The following PRPSAP1 variants were observed in gnomAD, a reference collection of about 807,000 sequenced individuals.
PRPSAP1 encodes the protein phosphoribosyl pyrophosphate synthase-associated protein 1.
PRPSAP1 carries 31 observed loss-of-function variants against 39.4 expected under a neutral mutation model. The observed-to-expected ratio is 0.79, with a 90% CI of 0.59 to 1.06. The LOEUF is 1.06. Ranked by LOEUF, PRPSAP1 falls within the 50% of genes least tolerant of loss-of-function variation. The pLI is 0.00. For synonymous variants in PRPSAP1, 212 were observed against 192.6 expected, an observed-to-expected ratio of 1.10 and a Z score of -0.83; for missense variants, 430 against 511.6, an observed-to-expected ratio of 0.84 and a Z score of 1.54.
chr17:76,321,181 C>T (rs1484706121), intron 7 of PRPSAP1, among the ~76,000 whole-genome samples: 1 of 152,058 alleles, frequency 6.6e-6, no homozygotes, highest in Non-Finnish European at 1.5e-5. Context: ...ATTGTTACGT[C>T]TTTTCTGGTA....
At chr17:76,333,329 C>G (rs1279489405) in intron 3 of PRPSAP1, among the ~76,000 whole-genome samples, 1 of 152,120 alleles carries the variant, frequency 6.6e-6, no homozygotes, top group Admixed American at 6.6e-5. Flanking sequence ...AGGCTGGTCT[C>G]GAACTCCCGA....
intron 2 of PRPSAP1, among the ~76,000 whole-genome samples, chr17:76,346,872 G>A (rs1254409083): frequency 6.6e-6 from 1 of 151,926 alleles, no homozygotes; most frequent in African/African-American, 2.4e-5. Flanking sequence ...CTCCAGCCCG[G>A]GCGACATCCT....
intron 7 of PRPSAP1, among the ~76,000 whole-genome samples, chr17:76,314,877 C>T (rs1368398837): frequency 1.3e-5 from 2 of 152,202 alleles, no homozygotes; most frequent in African/African-American, 2.4e-5. Flanking sequence ...ATAGAAACCC[C>T]ACTCTCACAG....
At chr17:76,328,590 CAG>C (rs1368684841) in intron 7 of PRPSAP1, 125 bp downstream of exon 7, 3 of 1,224,666 alleles carry the variant, frequency 2.4e-6, no homozygotes, top group African/African-American at 3.1e-5. Flanking sequence ...GCCTGGGTGA[CAG>C]AGTGAGACTC....
At chr17:76,336,309 G>A (rs1439413593) in intron 3 of PRPSAP1, among the ~76,000 whole-genome samples, 1 of 151,768 alleles carries the variant, frequency 6.6e-6, no homozygotes, top group Non-Finnish European at 1.5e-5. Context: ...ATGGTTGCAG[G>A]TGCCTGTAAT....
At chr17:76,333,147 G>A (rs949708054) in intron 3 of PRPSAP1, among the ~76,000 whole-genome samples, 11 of 151,964 alleles carry the variant, frequency 7.2e-5, no homozygotes, top group African/African-American at 2.7e-4. Flanking sequence ...GTCTCACTCT[G>A]TCGCCCAGGC....
Position 76,311,449 on chromosome 17 carries a change from G to A in PRPSAP1, c.*93C>T, listed in dbSNP as rs2071069322. On this transcript the variant is annotated 3_prime_UTR_variant, in exon 10 of 10. Coordinates refer to ENST00000446526, the MANE Select transcript of PRPSAP1 (RefSeq NM_002766.3). ...AAGATATCTAACTCCAGGCTGTTTC[G>A]AGTCCTCCCTTGCAAGGAAACACTG... 8.6e-6 allele frequency: 12 copies of A among 1,390,144 alleles called. No homozygotes were observed. The South Asian group carries it at 8.7e-5, about 10-fold the overall frequency. The allele number at this position is 1,390,144 out of a possible 1,614,324, so 86.1% of individuals were successfully genotyped here.
intron 7 of PRPSAP1, 71 bp downstream of exon 7, chr17:76,328,646 A>C (rs2071279717): frequency 1.4e-5 from 22 of 1,530,412 alleles, no homozygotes; most frequent in Admixed American, 4.2e-5. Context: ...ACAACAACAA[A>C]ACCAACAAAA....
intron 7 of PRPSAP1, chr17:76,314,122 T>A: frequency 1.8e-6 from 1 of 548,144 alleles, no homozygotes; most frequent in Non-Finnish European, 3.3e-6. Flanking sequence ...AGTAGCCACA[T>A]TAAAAACAGA....
intron 7 of PRPSAP1, among the ~76,000 whole-genome samples, chr17:76,323,522 T>C (rs796154148): frequency 2.0e-5 from 3 of 151,622 alleles, no homozygotes; most frequent in South Asian, 4.2e-4. Context: ...TTGGAAGAAG[T>C]TGATTCTAAC....
intron 7 of PRPSAP1, among the ~76,000 whole-genome samples, chr17:76,326,923 A>T (rs2071261256): frequency 2.0e-5 from 3 of 152,026 alleles, no homozygotes; most frequent in Admixed American, 6.5e-5. Flanking sequence ...CTCACCCTCA[A>T]ATGGTGGAAA....
At chr17:76,319,706 G>T (rs142472261) in intron 7 of PRPSAP1, among the ~76,000 whole-genome samples, 3 of 151,830 alleles carry the variant, frequency 2.0e-5, no homozygotes, top group Non-Finnish European at 4.4e-5. Flanking sequence ...GCCCTCCTTG[G>T]CCTCCCAAAG....
chr17:76,327,918 A>G (rs888887375), intron 7 of PRPSAP1, among the ~76,000 whole-genome samples: 2 of 152,110 alleles, frequency 1.3e-5, no homozygotes, highest in African/African-American at 4.8e-5. Context: ...TCATGTCTGT[A>G]ATCTTATGTA....
At chr17:76,354,156 G>T (rs560537662), upstream of PRPSAP1, 29 of 992,860 alleles carry the variant, frequency 2.9e-5, no homozygotes, top group African/African-American at 4.9e-4. Context: ...TTTTGGCCAG[G>T]ACCCAACATG....
At chr17:76,315,490 T>G (rs1008060148) in intron 7 of PRPSAP1, among the ~76,000 whole-genome samples, 1 of 152,116 alleles carries the variant, frequency 6.6e-6, no homozygotes, top group Non-Finnish European at 1.5e-5. Context: ...TCACCACTAC[T>G]TTATACATTT....
In PRPSAP1 at chr17:76,348,310, T is replaced by C. The variant is rs560496451; in HGVS notation, c.223+219A>G. 2.5e-4 allele frequency among the ~76,000 whole-genome samples: 38 copies of C among 151,836 alleles called. No individual in the cohort carries two copies. The South Asian group carries it at 6.5e-3, about 26-fold the overall frequency. Reference sequence around the variant, plus strand: ...CAACAGGGTGAAACCCCATCTCTACTAAAAATACAAAAATTAGCCGGGTGT... The same window carrying C: ...CAACAGGGTGAAACCCCATCTCTACCAAAAATACAAAAATTAGCCGGGTGT... On this transcript the variant is annotated intron_variant, in intron 2 of 9. Coordinates refer to ENST00000446526, the MANE Select transcript of PRPSAP1 (RefSeq NM_002766.3).
chr17:76,316,921 C>G (rs1377932337), intron 7 of PRPSAP1, among the ~76,000 whole-genome samples: 1 of 152,216 alleles, frequency 6.6e-6, no homozygotes, highest in Non-Finnish European at 1.5e-5. Context: ...CACACATTTA[C>G]TCTTTCCTGG....
Position 76,346,600 on chromosome 17 carries a change from C to T in PRPSAP1, c.224-1863G>A, listed in dbSNP as rs557223727. On this transcript the variant is annotated intron_variant, in intron 2 of 9. Coordinates refer to ENST00000446526, the MANE Select transcript of PRPSAP1 (RefSeq NM_002766.3). Reference sequence around the variant, plus strand: ...AAAGAGCAGTAGTTCCGTTTCTAGACTGTGGATCTTCAGATAAACTCTGCC... The same window carrying T: ...AAAGAGCAGTAGTTCCGTTTCTAGATTGTGGATCTTCAGATAAACTCTGCC... Among the ~76,000 whole-genome samples the T allele has an allele frequency of 3.9e-5, 6 of 152,308 alleles. No individual in the cohort carries two copies. The South Asian group carries it at 1.2e-3, about 32-fold the overall frequency.
chr17:76,350,714 C>A (rs939306394), intron 1 of PRPSAP1, among the ~76,000 whole-genome samples: 23 of 151,978 alleles, frequency 1.5e-4, no homozygotes, highest in African/African-American at 5.6e-4. Context: ...GTAGTTAAAG[C>A]CACTGAAGTG....
Sources: gnomAD v4.1 joint callset for allele counts (sites outside exome capture counted in the v4.1 genomes callset) on GRCh38, gnomAD v4.1.1 for gene constraint, MANE v1.5 for transcripts, NCBI Gene and HGNC (gene_info 2026-07-23, HGNC 2026-07-21) for gene names.